Variants in TRMT5 observed in about 807,000 individuals in gnomAD.
TRMT5 encodes tRNA (guanine(37)-N(1))-methyltransferase.
In TRMT5, 31 loss-of-function variants were observed where a neutral mutation model predicts 42.2. The observed-to-expected ratio is 0.73, with a 90% CI of 0.55 to 0.99. The LOEUF (loss-of-function observed/expected upper bound fraction) is 0.99. Ranked by LOEUF, TRMT5 falls within the 50% of genes least tolerant of loss-of-function variation. The pLI, the probability that TRMT5 is intolerant of heterozygous loss-of-function variation, is 0.00. For synonymous variants in TRMT5, 198 were observed against 209.6 expected (o/e 0.94, Z 0.48); for missense variants, 568 against 595.0 (o/e 0.95, Z 0.47).
At chr14:60,977,069 T>G (rs1282948497) in intron 3 of TRMT5, among the ~76,000 whole-genome samples, 1 of 152,146 alleles carries the variant, frequency 6.6e-6, no homozygotes, top group Non-Finnish European at 1.5e-5. Flanking sequence ...TATCAGATGC[T>G]TCCGGCCAAA....
At chr14:60,976,206 C>T in intron 3 of TRMT5, 80 bp from the exon 4 acceptor site, 1 of 1,471,376 alleles carries the variant, frequency 6.8e-7, no homozygotes, top group South Asian at 1.3e-5. Flanking sequence ...GTTGTGTATA[C>T]ACACAGGCAA....
rs771495769 is a variant in TRMT5 at position 60,981,061 on chromosome 14, G to C, written c.-88C>G. 4.4e-6 allele frequency: 7 copies of C among 1,606,916 alleles called. No homozygotes were observed. In the African/African-American group the frequency reaches 9.3e-5, roughly 21 times the overall value. On this transcript the variant is annotated 5_prime_UTR_variant, in exon 1 of 5. Coordinates refer to ENST00000261249, the MANE Select transcript of TRMT5 (RefSeq NM_020810.3). ...TACCGATCGGATGTGGGTCGCGGGTGGATGGGCGGGTCTTCTATGACATCA... is the reference window on the plus strand; with the variant it reads ...TACCGATCGGATGTGGGTCGCGGGTCGATGGGCGGGTCTTCTATGACATCA...
chr14:60,980,257 G>A (rs74324684), intron 1 of TRMT5, among the ~76,000 whole-genome samples: 2 of 152,214 alleles, frequency 1.3e-5, no homozygotes, highest in African/African-American at 2.4e-5. Context: ...ACCATTACTA[G>A]TGGTGATATT....
At chr14:60,981,201 C>T (rs1177027251), upstream of TRMT5, 2 of 1,542,268 alleles carry the variant, frequency 1.3e-6, no homozygotes, top group Non-Finnish European at 8.8e-7. Context: ...AGCTCCGCCT[C>T]TGGCGCGACC....
chr14:60,978,229 C>G (rs1361569145), intron 2 of TRMT5, among the ~76,000 whole-genome samples: 1 of 152,090 alleles, frequency 6.6e-6, no homozygotes, highest in Non-Finnish European at 1.5e-5. Context: ...TACTCATGGC[C>G]ATTTGATGAA....
In TRMT5 at chr14:60,972,466, T is replaced by TGACGGC; in HGVS notation, c.*2642_*2643insGCCGTC. ...TCCCCTTCAGTCTTTCTCTTGGGCA[T>TGACGGC]GGCGGCGGCGGCGGCGGCGGGATGT... On this transcript the variant is annotated 3_prime_UTR_variant, in exon 5 of 5. Transcript: ENST00000261249. 2.0e-6 allele frequency: 1 copy of TGACGGC among 490,284 alleles called. No individual in the cohort carries two copies. The highest frequency in any genetic ancestry group is 2.0e-5 in the African/African-American group (1 of 50,744). 30.4% of individuals were successfully genotyped at this position (490,284 alleles called of 1,614,324 possible).
chr14:60,981,264 A>G, upstream of TRMT5: 3 of 1,589,640 alleles, frequency 1.9e-6, no homozygotes, highest in South Asian at 1.1e-5. Flanking sequence ...ACTGGTAGTC[A>G]GCTGGAGAGC....
chr14:60,977,422 C>T (rs2036862006), intron 3 of TRMT5, 92 bp downstream of exon 3: 5 of 1,317,024 alleles, frequency 3.8e-6, no homozygotes, highest in South Asian at 1.6e-5. Flanking sequence ...CTCACCAACA[C>T]TGGATGTTAC....
At chr14:60,977,148 C>G (rs1205599463) in intron 3 of TRMT5, among the ~76,000 whole-genome samples, 1 of 152,084 alleles carries the variant, frequency 6.6e-6, no homozygotes, top group Non-Finnish European at 1.5e-5. Context: ...CTGGGTATAA[C>G]CTAGAAGGTT....
In TRMT5 at chr14:60,977,186, C is replaced by G. The variant is rs149572505; in HGVS notation, c.792+328G>C. 3.3e-5 allele frequency among the ~76,000 whole-genome samples: 5 copies of G among 152,300 alleles called. No individual in the cohort carries two copies. The East Asian group carries it at 9.6e-4, about 29-fold the overall frequency. ...AATATATCTCGAGAACTATTTTATA[C>G]ATACTGTTCTATAACTTGCTTTTTG... On this transcript the variant is annotated intron_variant, in intron 3 of 4. Coordinates refer to ENST00000261249, the MANE Select transcript of TRMT5 (RefSeq NM_020810.3).
chr14:60,974,712 T>G lies in TRMT5; in HGVS notation c.*397A>C, dbSNP rs2036820067. ...GTTTGCCTGCCCCGTTCTAAATAAT[T>G]TCATTTTTTATTACTTTTATGGTGA... On this transcript the variant is annotated 3_prime_UTR_variant, in exon 5 of 5. Transcript: ENST00000261249. 6.6e-6 allele frequency: 1 copy of G among 152,602 alleles called. No homozygotes were observed. Among genetic ancestry groups the G allele is most frequent in the African/African-American group, 2.4e-5 (1 of 41,452 alleles). The allele number at this position is 152,602 out of a possible 1,614,324, so 9.5% of individuals were successfully genotyped here.
At position 60,981,007 on chromosome 14, in the gene TRMT5, G is replaced by A. The variant is rs1303994695; in HGVS notation, c.-34C>T. On this transcript the variant is annotated 5_prime_UTR_variant, in exon 1 of 5. Transcript: ENST00000261249. Reference sequence around the variant, plus strand: ...CCCACGTCGCTCTGCAGCTGGATCCGCGAGCCGACCCCTCACCTCCCGCTC... The same window carrying A: ...CCCACGTCGCTCTGCAGCTGGATCCACGAGCCGACCCCTCACCTCCCGCTC... 1 of 1,609,330 alleles carries A rather than the reference G, an allele frequency of 6.2e-7. No individual in the cohort carries two copies. The highest frequency in any genetic ancestry group is 8.5e-7 in the Non-Finnish European group (1 of 1,179,812).
upstream of TRMT5, chr14:60,981,204 GC>G (rs2036979860): frequency 6.5e-7 from 1 of 1,543,370 alleles, no homozygotes; most frequent in Non-Finnish European, 8.8e-7. Context: ...TCCGCCTCTG[GC>G]GCGACCGACG....
In TRMT5 at chr14:60,972,146, A is replaced by C; in HGVS notation, c.*2963T>G. 2.5e-6 allele frequency: 1 copy of C among 394,364 alleles called. No individual in the cohort carries two copies. Among genetic ancestry groups the C allele is most frequent in the South Asian group, 2.0e-5 (1 of 50,648 alleles). The allele number at this position is 394,364 out of a possible 1,614,324, so 24.4% of individuals were successfully genotyped here. A position where few individuals can be genotyped will look rare whatever the true frequency, so the allele number is the denominator to read the frequency against. On this transcript the variant is annotated 3_prime_UTR_variant, in exon 5 of 5. Transcript: ENST00000261249. ...TTCTGTGTGCTAACAACATAGCTTA[A>C]AAAAAGTAAAACAAAATTCTGCATT...
Position 60,975,034 on chromosome 14 carries a change from A to C in TRMT5, c.*75T>G. ...GGTTCAATAGTAAAAACCAAACCCT[A>C]AAATTTTATTAAATAATACAAATTC... On this transcript the variant is annotated 3_prime_UTR_variant, in exon 5 of 5. Coordinates refer to ENST00000261249, the MANE Select transcript of TRMT5 (RefSeq NM_020810.3). 3 of 1,288,548 alleles carry C rather than the reference A, an allele frequency of 2.3e-6. No individual in the cohort carries two copies. The highest frequency in any genetic ancestry group is 3.2e-6 in the Non-Finnish European group (3 of 940,658). The allele number at this position is 1,288,548 out of a possible 1,614,324, so 79.8% of individuals were successfully genotyped here. A position where few individuals can be genotyped will look rare whatever the true frequency, so the allele number is the denominator to read the frequency against.
intron 4 of TRMT5, 106 bp from the exon 5 acceptor site, chr14:60,975,300 G>A: frequency 7.7e-7 from 1 of 1,307,064 alleles, no homozygotes. Flanking sequence ...ACTTAAACAT[G>A]AAATAACATT....
chr14:60,975,685 A>G lies in TRMT5; in HGVS notation c.1234T>C (p.Phe412Leu). The G allele has an allele frequency of 3.1e-6, 5 of 1,614,158 alleles. No individual in the cohort carries two copies. The highest frequency in any genetic ancestry group is 4.2e-6 in the Non-Finnish European group (5 of 1,180,024). ...LLDGQPCSSE[F>L]LPIVHCYSFS... Reference sequence around the variant, plus strand: ...CTATAACAATGCACTATGGGAAGGAACTCACTGCTGCATGGCTGCCCATCT... The same window carrying G: ...CTATAACAATGCACTATGGGAAGGAGCTCACTGCTGCATGGCTGCCCATCT... The change falls in exon 4 of 5, where the codon TTC (phenylalanine) becomes CTC (leucine). Residue 412 changes from phenylalanine (F) to leucine (L), a missense_variant. Physicochemically the swap from Phe to Leu is conservative, Grantham distance 22 (BLOSUM62 0). Coordinates refer to ENST00000261249, the MANE Select transcript of TRMT5 (RefSeq NM_020810.3).
intron 2 of TRMT5, 23 bp downstream of exon 2, chr14:60,979,208 G>T: frequency 6.5e-7 from 1 of 1,531,524 alleles, no homozygotes; most frequent in Non-Finnish European, 8.8e-7. Context: ...TCAAATACAT[G>T]AATATTACTA....
At chr14:60,981,578 G>A (rs1409387527), upstream of TRMT5, 2 of 1,519,092 alleles carry the variant, frequency 1.3e-6, no homozygotes, top group Admixed American at 4.0e-5. Context: ...TAGCAGCCTA[G>A]CATACTCTAG....
Sources: gnomAD v4.1 joint callset for allele counts (sites outside exome capture counted in the v4.1 genomes callset) on GRCh38, gnomAD v4.1.1 for gene constraint, MANE v1.5 for transcripts, NCBI Gene and HGNC (gene_info 2026-07-23, HGNC 2026-07-21) for gene names.